UTP20: variants seen among roughly 807,000 people sequenced by gnomAD.
The protein encoded by UTP20 is UTP20 small subunit processome component, also known as small subunit processome component 20 homolog.
UTP20 carries 164 observed loss-of-function variants against 329.5 expected under a neutral mutation model. The ratio of observed to expected loss-of-function variants is 0.50; its 90% CI spans 0.44 to 0.57. The LOEUF (loss-of-function observed/expected upper bound fraction) is 0.57. Ranked by LOEUF, UTP20 falls within the 20% of genes least tolerant of loss-of-function variation. The probability of loss-of-function intolerance (pLI) is 0.00; values close to 1 mark genes in which losing one functional copy is unlikely to be tolerated. For synonymous variants in UTP20, 1,151 were observed against 1,159.3 expected (o/e 0.99, Z 0.14); for missense variants, 3,055 against 3,284.2 (o/e 0.93, Z 1.71).
At chr12:101,328,284 T>C (rs1321202960) in intron 26 of UTP20, among the ~76,000 whole-genome samples, 1 of 152,230 alleles carries the variant, frequency 6.6e-6, no homozygotes, top group Admixed American at 6.5e-5. Context: ...GATACTCTTA[T>C]GGATGGCCCG....
intron 12 of UTP20, among the ~76,000 whole-genome samples, chr12:101,298,695 C>T (rs1261581991): frequency 1.3e-5 from 2 of 152,004 alleles, no homozygotes; most frequent in East Asian, 3.9e-4. Context: ...AAGATTTTTG[C>T]AGATTGTTGA....
intron 14 of UTP20, among the ~76,000 whole-genome samples, chr12:101,300,711 A>T (rs1052052055): frequency 2.6e-5 from 4 of 152,220 alleles, no homozygotes; most frequent in African/African-American, 7.2e-5. Context: ...AAAATTTTTT[A>T]AAAATCACGT....
intron 21 of UTP20, among the ~76,000 whole-genome samples, chr12:101,315,721 T>TA (rs1372575870): frequency 6.6e-6 from 1 of 152,224 alleles, no homozygotes; most frequent in East Asian, 1.9e-4. Flanking sequence ...GAGGGTTATA[T>TA]AAAATAACAC....
rs1254065821 is a variant in UTP20, at chr12:101,305,925, C to G, written c.1792C>G (p.Leu598Val). The G allele has an allele frequency of 1.9e-6, 3 of 1,604,726 alleles. No homozygotes were observed. Among genetic ancestry groups the G allele is most frequent in the South Asian group, 2.2e-5 (2 of 89,870 alleles). Residue 598 changes from leucine (L) to valine (V), a missense_variant, in exon 16 of 62, where the codon CTG (leucine) becomes GTG (valine). Around this residue, in one of 3 missense-constraint regions of UTP20, gnomAD observed 2,445 missense variants for 2,575.5 expected, o/e 0.95. Coordinates refer to ENST00000261637, the MANE Select transcript of UTP20 (RefSeq NM_014503.3). ...RVKNLVLTFP[L>V]EPSVLLLTDL... The stretch of plus-strand genomic sequence containing the variant: ...AACATCTCGTTGCAGAACCTTTCCC[C>G]TGGAGCCATCTGTGTTGCTGTTGAC...
rs1476549009 is a variant in UTP20 at position 101,317,545 on chromosome 12, A to T, written c.2620A>T (p.Met874Leu). The change falls in exon 22 of 62, where the codon ATG (methionine) becomes TTG (leucine). Residue 874 changes from methionine to leucine, a missense_variant. By Grantham distance (15) the Met-to-Leu change is conservative. This residue lies in a region of UTP20 where 2,445 missense variants were observed against 2,575.5 expected (regional missense o/e 0.95). Transcript: ENST00000261637. The part of the protein sequence containing the change: ...TQDLRRKGKG[M>L]VAEEIEEEPA... ...GGATCTACGGAGAAAAGGCAAAGGG[A>T]TGGTGGCAGAGGAAATCGAAGAGGA... is the stretch of plus-strand genomic sequence containing the variant. 1.2e-6 allele frequency: 2 copies of T among 1,614,186 alleles called. No individual in the cohort carries two copies. Among genetic ancestry groups the T allele is most frequent in the Admixed American group, 1.7e-5 (1 of 60,016 alleles).
At chr12:101,339,745 G>T (rs1023203615) in intron 31 of UTP20, among the ~76,000 whole-genome samples, 2 of 152,124 alleles carry the variant, frequency 1.3e-5, no homozygotes, top group Non-Finnish European at 2.9e-5. Flanking sequence ...TAAAGGGAAA[G>T]GTTAATAAAC....
chr12:101,374,989 G>A, intron 55 of UTP20, 50 bp downstream of exon 55: 1 of 1,393,584 alleles, frequency 7.2e-7, no homozygotes, highest in Non-Finnish European at 1.0e-6. Flanking sequence ...AGTTTTACTT[G>A]AGGTGATGTA....
intron 28 of UTP20, among the ~76,000 whole-genome samples, chr12:101,334,049 C>A (rs1186897473): frequency 6.6e-6 from 1 of 152,232 alleles, no homozygotes; most frequent in Non-Finnish European, 1.5e-5. Context: ...GTTTTTATTA[C>A]ATACTTCCTA....
intron 12 of UTP20, among the ~76,000 whole-genome samples, chr12:101,298,403 G>C (rs1007398321): frequency 6.6e-6 from 1 of 152,148 alleles, no homozygotes; most frequent in Non-Finnish European, 1.5e-5. Flanking sequence ...ATCTCAGTGA[G>C]AGACTCTCCA....
chr12:101,331,104 A>G (rs146347040), intron 27 of UTP20, among the ~76,000 whole-genome samples: 75 of 152,338 alleles, frequency 4.9e-4, no homozygotes, highest in African/African-American at 1.7e-3. Flanking sequence ...TTGTAAACAT[A>G]CACAAACTCA....
Position 101,321,612 on chromosome 12 carries a change from A to G in UTP20, c.3024A>G (p.Leu1008=), listed in dbSNP as rs140126567. 131 of 1,613,506 alleles carry G rather than the reference A, an allele frequency of 8.1e-5. No homozygotes were observed. The highest frequency in any genetic ancestry group is 1.9e-4 in the African/African-American group (14 of 75,030). ...AVVKTAHRAD[L]FPILMRILYG... ...TGAAAACAGCCCACCGAGCAGATCT[A>G]TTTCCTATTCTGATGAGGTATTTAT... The change falls in exon 25 of 62, where the codon CTA becomes CTG. Residue 1008 remains leucine (L), a synonymous_variant. Coordinates refer to ENST00000261637, the MANE Select transcript of UTP20 (RefSeq NM_014503.3).
chr12:101,379,971 C>G (rs1264911750), intron 57 of UTP20, among the ~76,000 whole-genome samples: 1 of 152,062 alleles, frequency 6.6e-6, no homozygotes, highest in Non-Finnish European at 1.5e-5. Flanking sequence ...AGGCACACGC[C>G]ACCACACCCA....
At chr12:101,342,766 C>G (rs780982642) in intron 33 of UTP20, 21 bp from the exon 34 acceptor site, 2 of 1,607,986 alleles carry the variant, frequency 1.2e-6, no homozygotes, top group Non-Finnish European at 1.7e-6. Context: ...CTGATAAATA[C>G]ACTGTTTTCT....
rs766614775 is a variant in UTP20, at chr12:101,302,595, A to G, written c.1781+42A>G. 9.2e-6 allele frequency: 12 copies of G among 1,310,368 alleles called. No homozygotes were observed. The Admixed American group carries it at 1.2e-4, about 13-fold the overall frequency. The allele number at this position is 1,310,368 out of a possible 1,614,324, so 81.2% of individuals were successfully genotyped here. The stretch of plus-strand genomic sequence containing the variant: ...CAGTTGGTTTAGTAATGAATAAAAT[A>G]TAAAAGCCTCTATTGTTGTGAAATC... On this transcript the variant is annotated intron_variant, in intron 15 of 61. Transcript: ENST00000261637.
In UTP20 at chr12:101,370,566, A is replaced by G. The variant is rs1450919063; in HGVS notation, c.6687+3A>G. 3 of 1,611,620 alleles carry G rather than the reference A, an allele frequency of 1.9e-6. No individual in the cohort carries two copies. Among genetic ancestry groups the G allele is most frequent in the South Asian group, 2.2e-5 (2 of 90,378 alleles). Reference sequence around the variant, plus strand: ...CCACTGCCTTTGGTCTTCTGAAGGTATGCTGTCGCCAGAATGTTGACTGTT... The same window carrying G: ...CCACTGCCTTTGGTCTTCTGAAGGTGTGCTGTCGCCAGAATGTTGACTGTT... On this transcript the variant is annotated splice_donor_region_variant and intron_variant, in intron 50 of 61. Coordinates refer to ENST00000261637, the MANE Select transcript of UTP20 (RefSeq NM_014503.3).
chr12:101,333,490 C>T, intron 28 of UTP20, 46 bp downstream of exon 28: 1 of 1,596,628 alleles, frequency 6.3e-7, no homozygotes, highest in African/African-American at 1.3e-5. Flanking sequence ...CTGCTTTTTC[C>T]TTTATTACTA....
intron 17 of UTP20, among the ~76,000 whole-genome samples, chr12:101,307,027 A>C (rs916358427): frequency 4.0e-5 from 6 of 151,882 alleles, no homozygotes; most frequent in Non-Finnish European, 7.4e-5. Flanking sequence ...CAAAAAAAGA[A>C]ATTAGCCAGG....
chr12:101,334,332 C>A, intron 28 of UTP20, 93 bp from the exon 29 acceptor site: 1 of 1,035,518 alleles, frequency 9.7e-7, no homozygotes, highest in East Asian at 2.6e-5. Context: ...CTTTTTCATC[C>A]TGTGCTGTGA....
At position 101,338,954 on chromosome 12, in the gene UTP20, C is replaced by A. The variant is rs1439582444; in HGVS notation, c.4010C>A (p.Ser1337Ter). ...AQVSKELGIL[S>*]KISKFMKDKE... is the part of the protein sequence containing the mutation. ...GTCAGTAAAGAGCTTGGCATTCTTT[C>A]AAAGTAAGTGATATGTTGATACTTA... is the stretch of plus-strand genomic sequence containing the variant. The change falls in exon 31 of 62, where the codon TCA becomes TAA. Residue 1337 changes from serine to a stop codon, truncating the protein, a stop_gained. Coordinates refer to ENST00000261637, the MANE Select transcript of UTP20 (RefSeq NM_014503.3). LOFTEE classifies it high-confidence loss of function. 1 of 1,589,496 alleles carries A rather than the reference C, an allele frequency of 6.3e-7. No individual in the cohort carries two copies. Among genetic ancestry groups the A allele is most frequent in the Admixed American group, 1.9e-5 (1 of 52,158 alleles).
Sources: allele counts gnomAD v4.1 joint callset (sites outside exome capture counted in the v4.1 genomes callset), GRCh38; gene constraint gnomAD v4.1.1; regional missense constraint gnomAD v4.1.1; transcripts MANE v1.5; gene names NCBI Gene and HGNC (gene_info 2026-07-23, HGNC 2026-07-21).